The following CADM2 variants were observed in gnomAD, a reference collection of about 807,000 sequenced individuals.
CADM2 encodes immunoglobulin superfamily member 4D.
Under a neutral mutation model 49.8 loss-of-function variants are expected in CADM2, and 12 were observed. The ratio of observed to expected loss-of-function variants is 0.24; its 90% CI spans 0.15 to 0.39. The LOEUF is 0.39. Among genes scored for constraint, CADM2 ranks in the 10% least tolerant of loss-of-function variants. The probability of loss-of-function intolerance (pLI) is 1.00; values close to 1 mark genes in which losing one functional copy is unlikely to be tolerated. For missense variants in CADM2, 378 were observed against 492.3 expected, an observed-to-expected ratio of 0.77 and a Z score of 2.20; for synonymous variants, 214 against 175.4, an observed-to-expected ratio of 1.22 and a Z score of -1.74.
At chr3:85,068,517 G>A (rs535562745) in intron 1 of CADM2, among the ~76,000 whole-genome samples, 1 of 152,158 alleles carries the variant, frequency 6.6e-6, no homozygotes, top group South Asian at 2.1e-4. Context: ...GAGGAAATAG[G>A]AAATTATCCC....
At chr3:85,946,039 G>C (rs1462777856) in intron 7 of CADM2, among the ~76,000 whole-genome samples, 1 of 151,782 alleles carries the variant, frequency 6.6e-6, no homozygotes, top group South Asian at 2.1e-4. Context: ...CCCATCATCT[G>C]AGCCCAAAAT....
chr3:85,064,072 G>A (rs181210876), intron 1 of CADM2, among the ~76,000 whole-genome samples: 8 of 152,184 alleles, frequency 5.3e-5, no homozygotes, highest in Admixed American at 5.2e-4. Flanking sequence ...GACATAATCT[G>A]TTCAATTGTT....
At chr3:85,108,601 A>G (rs956222038) in intron 1 of CADM2, among the ~76,000 whole-genome samples, 1 of 152,094 alleles carries the variant, frequency 6.6e-6, no homozygotes, top group Admixed American at 6.6e-5. Flanking sequence ...GTGATGGTTG[A>G]ACAACAATAT....
chr3:85,660,273 A>G (rs2065358980), intron 1 of CADM2, among the ~76,000 whole-genome samples: 1 of 152,102 alleles, frequency 6.6e-6, no homozygotes, highest in African/African-American at 2.4e-5. Flanking sequence ...TGGATGGAAT[A>G]TATATTATGT....
intron 1 of CADM2, among the ~76,000 whole-genome samples, chr3:85,284,642 A>G (rs969170503): frequency 6.6e-6 from 1 of 152,144 alleles, no homozygotes; most frequent in Non-Finnish European, 1.5e-5. Context: ...ATAACTTGAG[A>G]CAGGATTCTG....
chr3:85,705,230 TG>T (rs1403126992), intron 1 of CADM2, among the ~76,000 whole-genome samples: 2 of 116,130 alleles, frequency 1.7e-5, no homozygotes, highest in African/African-American at 3.2e-5. Context: ...GTTTTCATCA[TG>T]AAAAAAAAAA....
At chr3:85,641,409 G>A (rs913794780) in intron 1 of CADM2, among the ~76,000 whole-genome samples, 2 of 152,152 alleles carry the variant, frequency 1.3e-5, no homozygotes, top group Non-Finnish European at 2.9e-5. Context: ...TAAATAGCAT[G>A]ATTTTCATAT....
At chr3:85,534,269 G>C (rs2106979766) in intron 1 of CADM2, among the ~76,000 whole-genome samples, 1 of 152,250 alleles carries the variant, frequency 6.6e-6, no homozygotes, top group East Asian at 1.9e-4. Context: ...ATCTAAGACA[G>C]TACTGTTCAG....
At chr3:85,646,833 C>G (rs1039577712) in intron 1 of CADM2, among the ~76,000 whole-genome samples, 5 of 151,816 alleles carry the variant, frequency 3.3e-5, no homozygotes, top group African/African-American at 1.2e-4. Flanking sequence ...TCTTGTTGAT[C>G]AATCTAATCT....
rs1576534317 is a variant in CADM2 at position 85,427,199 on chromosome 3, TA to T, written c.62-299322del. Among the ~76,000 whole-genome samples, 7 of 129,382 alleles carry T rather than the reference TA, an allele frequency of 5.4e-5. No individual in the cohort carries two copies. The South Asian group carries it at 7.6e-4, about 14-fold the overall frequency. The allele number at this position is 129,382 out of a possible 152,430, so 84.9% of individuals were successfully genotyped here. On this transcript the variant is annotated intron_variant, in intron 1 of 9. Transcript: ENST00000383699. Reference sequence around the variant, plus strand: ...ATATATATATATATATATATATATATATGTATAATAAGTTTGTAGCTACCAT... The same window carrying T: ...ATATATATATATATATATATATATATTGTATAATAAGTTTGTAGCTACCAT...
At chr3:85,295,474 A>C (rs1479971853) in intron 1 of CADM2, among the ~76,000 whole-genome samples, 1 of 152,182 alleles carries the variant, frequency 6.6e-6, no homozygotes, top group Non-Finnish European at 1.5e-5. Context: ...TCATGCTGCT[A>C]TAAAGACACG....
At position 85,252,233 on chromosome 3, in the gene CADM2, A is replaced by G. The variant is rs9838538; in HGVS notation, c.61+292565A>G. On this transcript the variant is annotated intron_variant, in intron 1 of 9. Transcript: ENST00000383699. ...GAACCAATTCAAATTACTTATGTTAACAAACAGCACAATTACTTTGACATA... is the reference window on the plus strand; with the variant it reads ...GAACCAATTCAAATTACTTATGTTAGCAAACAGCACAATTACTTTGACATA... 4.0e-3 allele frequency among the ~76,000 whole-genome samples: 614 copies of G among 152,164 alleles called. 3 individuals are homozygous for G. Among genetic ancestry groups the G allele is most frequent in the African/African-American group, 0.013 (551 of 41,566 alleles).
chr3:85,508,783 A>G (rs991047328), intron 1 of CADM2, among the ~76,000 whole-genome samples: 2 of 151,850 alleles, frequency 1.3e-5, no homozygotes, highest in East Asian at 1.9e-4. Context: ...AACAGAGTGA[A>G]TTTTCTGAGT....
At chr3:85,868,820 C>A (rs868543359) in intron 3 of CADM2, among the ~76,000 whole-genome samples, 1 of 152,110 alleles carries the variant, frequency 6.6e-6, no homozygotes, top group African/African-American at 2.4e-5. Context: ...TTAACGAAAT[C>A]ATTGTTTCCA....
At chr3:85,676,986 A>G (rs759657330) in intron 1 of CADM2, among the ~76,000 whole-genome samples, 2 of 152,186 alleles carry the variant, frequency 1.3e-5, no homozygotes, top group Non-Finnish European at 2.9e-5. Flanking sequence ...TATAGAACTT[A>G]CAGGTGTTAT....
intron 1 of CADM2, among the ~76,000 whole-genome samples, chr3:85,197,672 G>T (rs2041376586): frequency 6.6e-6 from 1 of 151,890 alleles, no homozygotes; most frequent in Non-Finnish European, 1.5e-5. Context: ...CCATTTGGGG[G>T]ATTTAATATA....
chr3:85,029,647 T>C (rs986372471), intron 1 of CADM2, among the ~76,000 whole-genome samples: 5 of 152,210 alleles, frequency 3.3e-5, no homozygotes, highest in Non-Finnish European at 7.3e-5. Flanking sequence ...AAATGGAGTA[T>C]TCATTTAATG....
At chr3:85,328,133 A>C (rs2044806661) in intron 1 of CADM2, among the ~76,000 whole-genome samples, 1 of 152,184 alleles carries the variant, frequency 6.6e-6, no homozygotes, top group South Asian at 2.1e-4. Context: ...TTCTCTAGTA[A>C]CAAGTAACTT....
chr3:85,480,165 C>G (rs1313253030), intron 1 of CADM2, among the ~76,000 whole-genome samples: 1 of 151,720 alleles, frequency 6.6e-6, no homozygotes, highest in Non-Finnish European at 1.5e-5. Flanking sequence ...GAATCATTGT[C>G]TATATCACTG....
Sources: allele counts gnomAD v4.1 joint callset (sites outside exome capture counted in the v4.1 genomes callset), GRCh38; gene constraint gnomAD v4.1.1; transcripts MANE v1.5; gene names NCBI Gene and HGNC (gene_info 2026-07-23, HGNC 2026-07-21).